Variants in ACYP2 observed in about 807,000 individuals in gnomAD.
The protein encoded by ACYP2 is acylphosphatase 2.
ACYP2 carries 12 observed loss-of-function variants against 11.2 expected under a neutral mutation model. The ratio of observed to expected loss-of-function variants is 1.08; its 90% CI spans 0.69 to 1.74. ACYP2 has a LOEUF of 1.74. Ranked by LOEUF, ACYP2 falls within the 40% of genes most tolerant of loss-of-function variation. ACYP2 has a pLI of 0.00. For synonymous variants in ACYP2, 43 were observed against 32.2 expected (o/e 1.33, Z -1.13); for missense variants, 134 against 101.9 (o/e 1.31, Z -1.35).
chr2:54,154,329 A>G (rs1682337619), intron 6 of ACYP2, among the ~76,000 whole-genome samples: 1 of 152,240 alleles, frequency 6.6e-6, no homozygotes, highest in African/African-American at 2.4e-5. Context: ...TACATTAAAT[A>G]GAAATGATGA....
At chr2:54,261,153 T>G (rs927131239) in intron 6 of ACYP2, among the ~76,000 whole-genome samples, 1 of 152,196 alleles carries the variant, frequency 6.6e-6, no homozygotes, top group Non-Finnish European at 1.5e-5. Context: ...AGGTGAGTAG[T>G]GATATTATTC....
At chr2:54,187,185 C>A (rs1309540381) in intron 6 of ACYP2, among the ~76,000 whole-genome samples, 1 of 152,152 alleles carries the variant, frequency 6.6e-6, no homozygotes, top group Non-Finnish European at 1.5e-5. Context: ...CTTCCCCCTT[C>A]TGAAGGACAG....
chr2:54,142,743 A>C (rs1681676961), intron 6 of ACYP2: 1 of 152,166 alleles, frequency 6.6e-6, no homozygotes. Flanking sequence ...ATAAAATAAA[A>C]ATAAAGACAG....
intron 6 of ACYP2, chr2:54,255,704 C>A (rs1483321814): frequency 6.2e-7 from 1 of 1,613,814 alleles, no homozygotes; most frequent in East Asian, 2.2e-5. Context: ...TCAGGCTTCA[C>A]GTCCTCGGCC....
intron 2 of ACYP2, among the ~76,000 whole-genome samples, chr2:54,002,891 G>A (rs1054080914): frequency 4.1e-5 from 6 of 145,810 alleles, no homozygotes; most frequent in South Asian, 2.2e-4. Context: ...CAGGTGATCC[G>A]CCCGCCTCGG....
chr2:53,975,607 C>T (rs1037223284), intron 2 of ACYP2, among the ~76,000 whole-genome samples: 6 of 152,056 alleles, frequency 3.9e-5, no homozygotes, highest in South Asian at 2.1e-4. Context: ...ACAAGGCAGG[C>T]GGATCACAAG....
intron 4 of ACYP2, among the ~76,000 whole-genome samples, chr2:54,107,269 G>A (rs1191433128): frequency 1.3e-5 from 2 of 152,134 alleles, no homozygotes; most frequent in Admixed American, 6.5e-5. Flanking sequence ...AAATAAGCAT[G>A]ATGTGACTAA....
chr2:54,103,670 A>G (rs1679016251), intron 4 of ACYP2, among the ~76,000 whole-genome samples: 1 of 152,162 alleles, frequency 6.6e-6, no homozygotes, highest in South Asian at 2.1e-4. Context: ...TTTTCTTCCT[A>G]TTCTTCTAAC....
At chr2:54,070,344 A>G (rs1676971778) in intron 4 of ACYP2, among the ~76,000 whole-genome samples, 1 of 152,164 alleles carries the variant, frequency 6.6e-6, no homozygotes, top group Non-Finnish European at 1.5e-5. Flanking sequence ...GTCATAATTG[A>G]CAAAATGGCT....
chr2:54,213,839 C>G (rs933466137), intron 6 of ACYP2, among the ~76,000 whole-genome samples: 3 of 151,950 alleles, frequency 2.0e-5, no homozygotes, highest in Non-Finnish European at 4.4e-5. Flanking sequence ...ATGAACGCTG[C>G]TCACTATAGC....
chr2:54,218,322 C>T (rs1024729648), intron 6 of ACYP2, among the ~76,000 whole-genome samples: 19 of 152,142 alleles, frequency 1.2e-4, no homozygotes, highest in African/African-American at 3.6e-4. Flanking sequence ...CCTTGTTGGT[C>T]CCTCTGCTGG....
intron 6 of ACYP2, among the ~76,000 whole-genome samples, chr2:54,147,129 C>G (rs571682703): frequency 6.6e-6 from 1 of 152,042 alleles, no homozygotes; most frequent in Admixed American, 6.6e-5. Context: ...TTCTAAGTTA[C>G]TTTTCTTTTC....
At chr2:54,269,961 T>C (rs982120649) in intron 6 of ACYP2, among the ~76,000 whole-genome samples, 6 of 152,216 alleles carry the variant, frequency 3.9e-5, no homozygotes, top group Admixed American at 2.0e-4. Context: ...CTGGGTATTT[T>C]GTTTCCAGTT....
At chr2:53,986,795 T>C (rs895322861) in intron 2 of ACYP2, among the ~76,000 whole-genome samples, 11 of 150,274 alleles carry the variant, frequency 7.3e-5, no homozygotes, top group African/African-American at 2.7e-4. Flanking sequence ...CAGGTAATTT[T>C]TGTGTTTTTA....
chr2:54,287,908 A>G (rs1689144954), intron 6 of ACYP2, among the ~76,000 whole-genome samples: 1 of 151,994 alleles, frequency 6.6e-6, no homozygotes, highest in African/African-American at 2.4e-5. Context: ...AACAGCACCC[A>G]CAGTATTGGG....
At chr2:54,201,668 TTC>T (rs1684827723) in intron 6 of ACYP2, among the ~76,000 whole-genome samples, 7 of 109,922 alleles carry the variant, frequency 6.4e-5, no homozygotes, top group South Asian at 3.6e-4. Context: ...CTTTCTTTCT[TTC>T]TTTCTTTCTT....
intron 2 of ACYP2, among the ~76,000 whole-genome samples, chr2:54,016,382 G>A (rs563965257): frequency 1.3e-5 from 2 of 151,720 alleles, no homozygotes; most frequent in East Asian, 1.9e-4. Context: ...ATTCAGAAGA[G>A]GCTTGCTAAT....
At chr2:54,070,732 AT>A (rs11368576) in intron 4 of ACYP2, among the ~76,000 whole-genome samples, 1,853 of 137,032 alleles carry the variant, frequency 0.014, 14 homozygotes, top group African/African-American at 0.032. Context: ...AAGCTATTCC[AT>A]TTTTTTTTTT....
intron 6 of ACYP2, among the ~76,000 whole-genome samples, chr2:54,257,641 G>C (rs1687615133): frequency 6.6e-6 from 1 of 152,308 alleles, no homozygotes; most frequent in Non-Finnish European, 1.5e-5. Flanking sequence ...AGACAATACA[G>C]AGCATTAACC....
Sources: gnomAD v4.1 joint callset for allele counts (sites outside exome capture counted in the v4.1 genomes callset) on GRCh38, gnomAD v4.1.1 for gene constraint, MANE v1.5 for transcripts, NCBI Gene and HGNC (gene_info 2026-07-23, HGNC 2026-07-21) for gene names.